Variants in STPG2 observed in about 807,000 individuals in gnomAD.
STPG2 encodes sperm tail PG-rich repeat containing 2.
Under a neutral mutation model 54.2 loss-of-function variants are expected in STPG2, and 56 were observed. The observed-to-expected ratio is 1.03, with a 90% confidence interval of 0.83 to 1.29. The LOEUF (loss-of-function observed/expected upper bound fraction) is 1.29. Among genes scored for constraint, STPG2 ranks in the 50% most tolerant of loss-of-function variants. The probability of loss-of-function intolerance (pLI) is 0.00; values close to 1 mark genes in which losing one functional copy is unlikely to be tolerated. For missense variants in STPG2, 596 were observed against 544.9 expected (o/e 1.09, Z -0.93); for synonymous variants, 200 against 181.8 (o/e 1.10, Z -0.81).
rs184094696 is a variant in STPG2 at position 97,642,421 on chromosome 4, T to A, written c.1320+70278A>T. ...TACTATTGATAGCATTTATGATAAATAACATTTGGTAAAAAATATAAAATG... is the reference window on the plus strand; with the variant it reads ...TACTATTGATAGCATTTATGATAAAAAACATTTGGTAAAAAATATAAAATG... On this transcript the variant is annotated intron_variant, in intron 10 of 10. Transcript: ENST00000295268. Among the ~76,000 whole-genome samples, 31 of 151,482 alleles carry A rather than the reference T, an allele frequency of 2.0e-4. No homozygotes were observed. The East Asian group carries it at 6.0e-3, about 29-fold the overall frequency.
chr4:98,079,620 T>C (rs921111506), intron 5 of STPG2, among the ~76,000 whole-genome samples: 3 of 152,160 alleles, frequency 2.0e-5, no homozygotes, highest in East Asian at 3.8e-4. Flanking sequence ...GTTTATTAGA[T>C]TGTCTTTAAA....
chr4:97,720,988 C>A (rs1393402199), intron 9 of STPG2, among the ~76,000 whole-genome samples: 3 of 152,016 alleles, frequency 2.0e-5, no homozygotes, highest in Non-Finnish European at 2.9e-5. Flanking sequence ...TCTTCTCCCT[C>A]ATATTTTTAA....
intron 10 of STPG2, among the ~76,000 whole-genome samples, chr4:97,601,492 G>A (rs370035238): frequency 6.9e-4 from 104 of 151,502 alleles, no homozygotes; most frequent in Non-Finnish European, 1.2e-3. Flanking sequence ...TTTTTTTCCC[G>A]TATGGGTGAT....
At chr4:97,606,494 T>G (rs572602807) in intron 10 of STPG2, among the ~76,000 whole-genome samples, 6 of 151,766 alleles carry the variant, frequency 4.0e-5, no homozygotes, top group Non-Finnish European at 8.8e-5. Flanking sequence ...GAGAGAGAGA[T>G]AGATCAAGTT....
intron 5 of STPG2, among the ~76,000 whole-genome samples, chr4:98,045,033 AGGAGTCTT>A (rs2149309698): frequency 6.6e-6 from 1 of 152,154 alleles, no homozygotes; most frequent in East Asian, 1.9e-4. Context: ...GGGCAGCTAA[AGGAGTCTT>A]GGACCCTTGC....
chr4:98,090,821 T>C (rs1029651494), intron 5 of STPG2, among the ~76,000 whole-genome samples: 2 of 151,976 alleles, frequency 1.3e-5, no homozygotes, highest in Non-Finnish European at 2.9e-5. Context: ...CTAATCCCTA[T>C]AGATTGTGTA....
chr4:98,024,799 A>C (rs954921472), intron 5 of STPG2, among the ~76,000 whole-genome samples: 1 of 152,238 alleles, frequency 6.6e-6, no homozygotes, highest in African/African-American at 2.4e-5. Flanking sequence ...GTTTTACAAG[A>C]ATATCCAGAA....
At chr4:97,794,881 T>C (rs1182694175) in intron 9 of STPG2, among the ~76,000 whole-genome samples, 4 of 152,154 alleles carry the variant, frequency 2.6e-5, no homozygotes, top group Non-Finnish European at 5.9e-5. Flanking sequence ...ACTACAACAG[T>C]GCACTACATG....
At chr4:97,559,898 G>A (rs1732180523) in intron 10 of STPG2, among the ~76,000 whole-genome samples, 1 of 152,142 alleles carries the variant, frequency 6.6e-6, no homozygotes, top group Non-Finnish European at 1.5e-5. Flanking sequence ...CCTACTGTAT[G>A]CAAAGCATTT....
At chr4:97,992,078 C>T (rs1338666747) in intron 5 of STPG2, among the ~76,000 whole-genome samples, 1 of 143,184 alleles carries the variant, frequency 7.0e-6, no homozygotes, top group Non-Finnish European at 1.5e-5. Flanking sequence ...TATTACTTTT[C>T]CCGTGCAGAA....
Position 97,730,160 on chromosome 4 carries a change from T to G in STPG2, c.1205-17346A>C, listed in dbSNP as rs374685680. Among the ~76,000 whole-genome samples, 5 of 152,300 alleles carry G rather than the reference T, an allele frequency of 3.3e-5. No homozygotes were observed. The South Asian group carries it at 1.0e-3, about 32-fold the overall frequency. On this transcript the variant is annotated intron_variant, in intron 9 of 10. Transcript: ENST00000295268. The stretch of plus-strand genomic sequence containing the variant: ...TTTAACTCTTGCCTCCCTCCCTCAC[T>G]GCCTCGTCTTGTATTCCCCAGTGTC...
intron 8 of STPG2, among the ~76,000 whole-genome samples, chr4:97,852,431 C>A (rs996446037): frequency 3.3e-5 from 5 of 152,104 alleles, no homozygotes; most frequent in African/African-American, 4.8e-5. Context: ...CCCTCAAGAA[C>A]CTCACCTGCT....
chr4:97,864,812 G>C (rs1729700765), intron 8 of STPG2, among the ~76,000 whole-genome samples: 2 of 151,992 alleles, frequency 1.3e-5, no homozygotes, highest in Non-Finnish European at 2.9e-5. Flanking sequence ...TCTGATCTTT[G>C]ACAAACCTGA....
chr4:97,508,773 C>T (rs1052451483), intron 4 of STPG2, among the ~76,000 whole-genome samples: 7 of 151,994 alleles, frequency 4.6e-5, no homozygotes, highest in East Asian at 3.9e-4. Flanking sequence ...TATAAATCCA[C>T]GATTATGAAC....
chr4:97,584,517 A>T (rs1321125254), intron 10 of STPG2, among the ~76,000 whole-genome samples: 1 of 152,028 alleles, frequency 6.6e-6, no homozygotes, highest in Non-Finnish European at 1.5e-5. Flanking sequence ...GCAAAAGAAA[A>T]GAAATAACAA....
chr4:98,071,263 C>T (rs1173982586), intron 5 of STPG2, among the ~76,000 whole-genome samples: 1 of 152,070 alleles, frequency 6.6e-6, no homozygotes, highest in Non-Finnish European at 1.5e-5. Context: ...AATAAGACTG[C>T]ATACCTACAA....
At chr4:97,652,690 A>T (rs931423414) in intron 10 of STPG2, among the ~76,000 whole-genome samples, 1 of 151,994 alleles carries the variant, frequency 6.6e-6, no homozygotes, top group Non-Finnish European at 1.5e-5. Context: ...ACATACACAT[A>T]AAAAAGTAGC....
intron 9 of STPG2, among the ~76,000 whole-genome samples, chr4:97,826,040 A>T (rs1728248951): frequency 1.3e-5 from 2 of 152,296 alleles, no homozygotes; most frequent in Middle Eastern, 3.4e-3. Flanking sequence ...GCCTGGGGTC[A>T]TGTGGAGAGC....
intron 10 of STPG2, among the ~76,000 whole-genome samples, chr4:97,690,205 A>T (rs541493698): frequency 6.6e-6 from 1 of 152,082 alleles, no homozygotes; most frequent in African/African-American, 2.4e-5. Context: ...AGAGTAATTG[A>T]TTTTTTTTAC....
Sources: allele counts gnomAD v4.1 joint callset (sites outside exome capture counted in the v4.1 genomes callset), GRCh38; gene constraint gnomAD v4.1.1; transcripts MANE v1.5; gene names NCBI Gene and HGNC (gene_info 2026-07-23, HGNC 2026-07-21).